Variants in ZDHHC14 observed in about 807,000 individuals in gnomAD.
The protein encoded by ZDHHC14 is zDHHC palmitoyltransferase 14.
Under a neutral mutation model 47.7 loss-of-function variants are expected in ZDHHC14, and 16 were observed. That is an observed-to-expected ratio of 0.34 (90% CI 0.23 to 0.51). The LOEUF is 0.51. Ranked by LOEUF, ZDHHC14 falls within the 20% of genes least tolerant of loss-of-function variation. The pLI is 0.97. For synonymous variants in ZDHHC14, 293 were observed against 278.9 expected (o/e 1.05, Z -0.50); for missense variants, 515 against 662.5 (o/e 0.78, Z 2.44).
At chr6:157,524,845 C>T (rs1274789797) in intron 1 of ZDHHC14, among the ~76,000 whole-genome samples, 1 of 152,194 alleles carries the variant, frequency 6.6e-6, no homozygotes, top group East Asian at 1.9e-4. Flanking sequence ...CATTTGATGT[C>T]TGTAGTTTTG....
chr6:157,627,274 C>G (rs1298949174), intron 3 of ZDHHC14, among the ~76,000 whole-genome samples: 3 of 152,140 alleles, frequency 2.0e-5, no homozygotes, highest in African/African-American at 7.2e-5. Context: ...TCATATAGCA[C>G]TCCCGGTATA....
chr6:157,556,658 T>C (rs180690306), intron 2 of ZDHHC14, among the ~76,000 whole-genome samples: 183 of 151,934 alleles, frequency 1.2e-3, no homozygotes, highest in Admixed American at 1.9e-3. Context: ...ACGTACAGAG[T>C]GAGACTGAAC....
chr6:157,473,363 C>T (rs1023940279), intron 1 of ZDHHC14, among the ~76,000 whole-genome samples: 3 of 152,182 alleles, frequency 2.0e-5, no homozygotes, highest in Non-Finnish European at 2.9e-5. Context: ...CTCTCTTCTT[C>T]GATAAGTTTC....
At chr6:157,595,021 A>G (rs1172022564) in intron 3 of ZDHHC14, among the ~76,000 whole-genome samples, 1 of 151,954 alleles carries the variant, frequency 6.6e-6, no homozygotes, top group Non-Finnish European at 1.5e-5. Context: ...CTTATTCTAG[A>G]CTATATTTTG....
At chr6:157,460,106 G>A (rs1779038069) in intron 1 of ZDHHC14, among the ~76,000 whole-genome samples, 1 of 150,958 alleles carries the variant, frequency 6.6e-6, no homozygotes, top group Admixed American at 6.6e-5. Context: ...GGGGGGCTGA[G>A]GCAGGAGAAT....
intron 1 of ZDHHC14, among the ~76,000 whole-genome samples, chr6:157,385,861 T>C (rs1045345671): frequency 6.6e-6 from 1 of 152,242 alleles, no homozygotes; most frequent in Admixed American, 6.5e-5. Context: ...AGATTATTAC[T>C]AGCACTATAA....
chr6:157,647,450 G>A lies in ZDHHC14; in HGVS notation c.965+82G>A, dbSNP rs551692689. 1.4e-4 allele frequency: 143 copies of A among 1,001,618 alleles called. 1 individual carries two copies. In the African/African-American group the frequency reaches 1.9e-3, roughly 13 times the overall value. 62.0% of individuals were successfully genotyped at this position (1,001,618 alleles called of 1,614,324 possible). A position where few individuals can be genotyped will look rare whatever the true frequency, so the allele number is the denominator to read the frequency against. ...GCCGTTAGCACAGGCCGCCCGCCCT[G>A]GTGGAATGGGTCGCCGCCACCACGT... is the stretch of plus-strand genomic sequence containing the variant. On this transcript the variant is annotated intron_variant, in intron 7 of 8. Coordinates refer to ENST00000359775, the MANE Select transcript of ZDHHC14 (RefSeq NM_024630.3).
chr6:157,402,710 C>T (rs1302102020), intron 1 of ZDHHC14, among the ~76,000 whole-genome samples: 2 of 152,262 alleles, frequency 1.3e-5, no homozygotes, highest in South Asian at 2.1e-4. Flanking sequence ...TTAATATTCT[C>T]AGACTGGCGA....
intron 2 of ZDHHC14, among the ~76,000 whole-genome samples, chr6:157,568,996 T>C (rs1197850421): frequency 6.6e-6 from 1 of 152,132 alleles, no homozygotes; most frequent in Non-Finnish European, 1.5e-5. Context: ...CTACCCTTTG[T>C]TATATATGTT....
At chr6:157,416,469 C>T (rs1205389682) in intron 1 of ZDHHC14, among the ~76,000 whole-genome samples, 1 of 151,730 alleles carries the variant, frequency 6.6e-6, no homozygotes, top group Non-Finnish European at 1.5e-5. Context: ...TTGAGGCCAG[C>T]CTGGGCAACA....
At chr6:157,663,531 G>A (rs189653327) in intron 8 of ZDHHC14, among the ~76,000 whole-genome samples, 7 of 152,322 alleles carry the variant, frequency 4.6e-5, no homozygotes, top group South Asian at 4.1e-4. Flanking sequence ...AGCCCATTGT[G>A]TCTCATCAAC....
intron 1 of ZDHHC14, among the ~76,000 whole-genome samples, chr6:157,496,717 G>A (rs781657926): frequency 2.0e-5 from 3 of 152,146 alleles, no homozygotes; most frequent in Non-Finnish European, 4.4e-5. Flanking sequence ...ACATGGACCT[G>A]CCACCACCTT....
intron 1 of ZDHHC14, among the ~76,000 whole-genome samples, chr6:157,446,803 A>G (rs1258253615): frequency 6.6e-6 from 1 of 152,218 alleles, no homozygotes; most frequent in Non-Finnish European, 1.5e-5. Flanking sequence ...GCATGTATGT[A>G]CAGTATATAC....
chr6:157,654,946 G>A (rs947093838), intron 8 of ZDHHC14, among the ~76,000 whole-genome samples: 2 of 152,120 alleles, frequency 1.3e-5, no homozygotes, highest in African/African-American at 4.8e-5. Context: ...TGTTGGCCAG[G>A]CTGGTCTCGA....
At chr6:157,495,166 G>A (rs755450404) in intron 1 of ZDHHC14, among the ~76,000 whole-genome samples, 2 of 151,984 alleles carry the variant, frequency 1.3e-5, no homozygotes, top group South Asian at 2.1e-4. Flanking sequence ...GCTTCCATCT[G>A]TAGATTCCTC....
intron 3 of ZDHHC14, among the ~76,000 whole-genome samples, chr6:157,593,752 G>T (rs1459207717): frequency 6.6e-6 from 1 of 152,254 alleles, no homozygotes; most frequent in Non-Finnish European, 1.5e-5. Flanking sequence ...GGCCCAGCAT[G>T]GGCCTTCTGC....
chr6:157,514,637 G>A (rs1034400022), intron 1 of ZDHHC14, among the ~76,000 whole-genome samples: 2 of 152,194 alleles, frequency 1.3e-5, no homozygotes, highest in Admixed American at 1.3e-4. Context: ...ACTGTAACAG[G>A]CCCCTGAGGC....
chr6:157,645,058 C>T (rs779548295), intron 5 of ZDHHC14, among the ~76,000 whole-genome samples: 3 of 152,180 alleles, frequency 2.0e-5, no homozygotes, highest in Non-Finnish European at 4.4e-5. Flanking sequence ...CTGAGGATGG[C>T]CTTATAGGTC....
chr6:157,511,651 A>C lies in ZDHHC14; in HGVS notation c.246-30934A>C, dbSNP rs1201428553. Among the ~76,000 whole-genome samples the C allele has an allele frequency of 2.0e-5, 3 of 149,552 alleles. 1 individual carries two copies. ...TCAGGTGATCCACCCACCTCGGCCT[A>C]CCAAAGTGCTGGGTTTACAGGCTTG... is the stretch of plus-strand genomic sequence containing the variant. On this transcript the variant is annotated intron_variant, in intron 1 of 8. Transcript: ENST00000359775.
Sources: gnomAD v4.1 joint callset for allele counts (sites outside exome capture counted in the v4.1 genomes callset) on GRCh38, gnomAD v4.1.1 for gene constraint, MANE v1.5 for transcripts, NCBI Gene and HGNC (gene_info 2026-07-23, HGNC 2026-07-21) for gene names.